The following SCTR variants were observed in gnomAD, a reference collection of about 807,000 sequenced individuals.
The protein encoded by SCTR is secretin receptor.
Under a neutral mutation model 60.8 loss-of-function variants are expected in SCTR, and 56 were observed. That is an observed-to-expected ratio of 0.92 (90% CI 0.74 to 1.15). The LOEUF (loss-of-function observed/expected upper bound fraction) is 1.15, where lower values mean the gene tolerates loss of function less well. Ranked by LOEUF, SCTR falls within the 50% of genes most tolerant of loss-of-function variation. The pLI, the probability that SCTR is intolerant of heterozygous loss-of-function variation, is 0.00. For missense variants in SCTR, 562 were observed against 550.4 expected (o/e 1.02, Z -0.21); for synonymous variants, 202 against 217.0 (o/e 0.93, Z 0.61).
Position 119,472,190 on chromosome 2 carries a change from G to T in SCTR, c.405+1263C>A, listed in dbSNP as rs184090195. Among the ~76,000 whole-genome samples the T allele has an allele frequency of 2.9e-3, 434 of 152,272 alleles. 3 individuals are homozygous for T. The highest frequency in any genetic ancestry group is 3.4e-3 in the Non-Finnish European group (232 of 68,010). Reference sequence around the variant, plus strand: ...AGAGAGATGGAGGCAGGTGGCACACGCTGATCATTTTAATGTAACATGGTA... The same window carrying T: ...AGAGAGATGGAGGCAGGTGGCACACTCTGATCATTTTAATGTAACATGGTA... On this transcript the variant is annotated intron_variant, in intron 4 of 12. Coordinates refer to ENST00000019103, the MANE Select transcript of SCTR (RefSeq NM_002980.3).
chr2:119,478,590 C>A (rs986500828), intron 3 of SCTR, among the ~76,000 whole-genome samples: 1 of 152,164 alleles, frequency 6.6e-6, no homozygotes, highest in Non-Finnish European at 1.5e-5. Context: ...TATCGCCTTC[C>A]CCAGTGCACT....
intron 7 of SCTR, among the ~76,000 whole-genome samples, chr2:119,459,077 A>G (rs1198762467): frequency 3.3e-5 from 5 of 152,322 alleles, no homozygotes; most frequent in South Asian, 2.1e-4. Flanking sequence ...AGGAATCCAT[A>G]TCCTGGGATT....
At chr2:119,475,054 A>G (rs1444322272) in intron 3 of SCTR, among the ~76,000 whole-genome samples, 3 of 152,206 alleles carry the variant, frequency 2.0e-5, no homozygotes, top group Non-Finnish European at 4.4e-5. Flanking sequence ...CACACGGAAA[A>G]TGCCTAGGCT....
At chr2:119,509,416 G>A (rs995057927) in intron 1 of SCTR, among the ~76,000 whole-genome samples, 5 of 152,276 alleles carry the variant, frequency 3.3e-5, no homozygotes, top group East Asian at 1.9e-4. Flanking sequence ...TAGTGAATGA[G>A]GTTTCCCAAA....
chr2:119,455,909 C>A (rs764933821), intron 7 of SCTR, among the ~76,000 whole-genome samples: 7 of 152,122 alleles, frequency 4.6e-5, no homozygotes, highest in Non-Finnish European at 8.8e-5. Context: ...CATCACAGCA[C>A]ATCCCTGTGA....
At chr2:119,452,263 G>A (rs1683202509) in intron 8 of SCTR, among the ~76,000 whole-genome samples, 184 bp from the exon 9 acceptor site, 1 of 152,204 alleles carries the variant, frequency 6.6e-6, no homozygotes, top group Admixed American at 6.5e-5. Flanking sequence ...GCACTGCTGG[G>A]GCTGAGGGAG....
chr2:119,457,242 G>A (rs1175597784), intron 7 of SCTR, among the ~76,000 whole-genome samples: 1 of 151,760 alleles, frequency 6.6e-6, no homozygotes, highest in Non-Finnish European at 1.5e-5. Flanking sequence ...AAAAAGCAAA[G>A]GAAAAATGAT....
At chr2:119,467,417 TA>T (rs1683884912) in intron 4 of SCTR, among the ~76,000 whole-genome samples, 1 of 149,462 alleles carries the variant, frequency 6.7e-6, no homozygotes, top group Non-Finnish European at 1.5e-5. Context: ...GTCCAAAAAA[TA>T]AAGTATCAAA....
chr2:119,503,972 AATTTT>A (rs1678646401), intron 1 of SCTR, among the ~76,000 whole-genome samples: 1 of 152,218 alleles, frequency 6.6e-6, no homozygotes, highest in Non-Finnish European at 1.5e-5. Flanking sequence ...TAATTCTATT[AATTTT>A]AAGAAAAGTG....
At chr2:119,508,800 G>A (rs1196781310) in intron 1 of SCTR, among the ~76,000 whole-genome samples, 2 of 152,108 alleles carry the variant, frequency 1.3e-5, no homozygotes, top group Non-Finnish European at 2.9e-5. Flanking sequence ...ATTAACATAG[G>A]CATTATTTCA....
chr2:119,473,721 G>A (rs1035027544), intron 3 of SCTR, among the ~76,000 whole-genome samples, 165 bp from the exon 4 acceptor site: 3 of 152,148 alleles, frequency 2.0e-5, no homozygotes, highest in Admixed American at 2.0e-4. Flanking sequence ...GTAAATAGGG[G>A]GAAAGTGATT....
chr2:119,446,520 T>C (rs1242508386), intron 11 of SCTR, among the ~76,000 whole-genome samples: 1 of 152,196 alleles, frequency 6.6e-6, no homozygotes, highest in Non-Finnish European at 1.5e-5. Flanking sequence ...TACTTTTCCT[T>C]TTTATTTTCC....
At chr2:119,463,856 T>A (rs1265846646) in intron 6 of SCTR, among the ~76,000 whole-genome samples, 1 of 152,114 alleles carries the variant, frequency 6.6e-6, no homozygotes, top group Non-Finnish European at 1.5e-5. Flanking sequence ...ATCTAATTCC[T>A]AGAGTGACCA....
intron 4 of SCTR, among the ~76,000 whole-genome samples, chr2:119,469,270 C>G (rs947057867): frequency 6.6e-6 from 1 of 152,146 alleles, no homozygotes; most frequent in East Asian, 1.9e-4. Context: ...CTGGGGATAC[C>G]TGGACCAGCC....
At chr2:119,464,024 G>A in intron 6 of SCTR, 99 bp downstream of exon 6, 2 of 1,298,594 alleles carry the variant, frequency 1.5e-6, no homozygotes. Context: ...GCCTCAGCAG[G>A]GGCTTGGGGG....
chr2:119,504,584 C>T (rs1209956564), intron 1 of SCTR, among the ~76,000 whole-genome samples: 1 of 151,922 alleles, frequency 6.6e-6, no homozygotes, highest in Non-Finnish European at 1.5e-5. Context: ...AAGTAAGACT[C>T]TGTCTCAAAA....
intron 1 of SCTR, among the ~76,000 whole-genome samples, chr2:119,523,389 CCGCTATTATTATTAT>C (rs1214375148): frequency 3.5e-5 from 5 of 141,248 alleles, no homozygotes; most frequent in African/African-American, 1.3e-4. Flanking sequence ...ACCCATCCTG[CCGCTATTATTATTAT>C]TATTATTATT....
chr2:119,503,728 A>G (rs1230507093), intron 1 of SCTR, among the ~76,000 whole-genome samples: 2 of 152,166 alleles, frequency 1.3e-5, no homozygotes, highest in African/African-American at 2.4e-5. Flanking sequence ...TAGCGGATAC[A>G]TGTCATTATA....
At chr2:119,459,640 A>G (rs1266275752) in intron 7 of SCTR, among the ~76,000 whole-genome samples, 1 of 152,152 alleles carries the variant, frequency 6.6e-6, no homozygotes, top group Non-Finnish European at 1.5e-5. Flanking sequence ...GCTGTTTTAT[A>G]TGTCACTCAA....
Sources: allele counts gnomAD v4.1 joint callset (sites outside exome capture counted in the v4.1 genomes callset), GRCh38; gene constraint gnomAD v4.1.1; transcripts MANE v1.5; gene names NCBI Gene and HGNC (gene_info 2026-07-23, HGNC 2026-07-21).